The following PCSK5 variants were observed in gnomAD, a reference collection of about 807,000 sequenced individuals.
PCSK5 encodes the protein proprotein convertase subtilisin/kexin type 5.
PCSK5 carries 129 observed loss-of-function variants against 233.2 expected under a neutral mutation model. The observed-to-expected ratio is 0.55, with a 90% CI of 0.48 to 0.64. The LOEUF (loss-of-function observed/expected upper bound fraction) is 0.64. Ranked by LOEUF, PCSK5 falls within the 30% of genes least tolerant of loss-of-function variation. The pLI is 0.00. For missense variants in PCSK5, 2,076 were observed against 2,430.1 expected (o/e 0.85, Z 3.06); for synonymous variants, 825 against 879.2 (o/e 0.94, Z 1.09).
chr9:75,920,468 C>G (rs1823205436), intron 1 of PCSK5, among the ~76,000 whole-genome samples: 1 of 152,094 alleles, frequency 6.6e-6, no homozygotes, highest in Non-Finnish European at 1.5e-5. Context: ...CTTCTCTACT[C>G]CAAATATTCT....
intron 1 of PCSK5, among the ~76,000 whole-genome samples, chr9:75,921,047 A>AT (rs995671136): frequency 2.6e-5 from 4 of 152,078 alleles, no homozygotes; most frequent in Non-Finnish European, 5.9e-5. Context: ...GTTGTTAGAG[A>AT]TTTTTTTCAT....
chr9:76,217,819 GAAGGACGTTAGTAGGC>G (rs1825591044), intron 20 of PCSK5, among the ~76,000 whole-genome samples: 1 of 152,198 alleles, frequency 6.6e-6, no homozygotes. Flanking sequence ...AAACCACGGG[GAAGGACGTTAGTAGGC>G]AAGGAAACAC....
chr9:76,198,834 G>T (rs994780573), intron 20 of PCSK5, among the ~76,000 whole-genome samples: 6 of 152,154 alleles, frequency 3.9e-5, no homozygotes, highest in Non-Finnish European at 8.8e-5. Flanking sequence ...CCGTTTAAGT[G>T]CCTTTAAAGG....
intron 24 of PCSK5, among the ~76,000 whole-genome samples, chr9:76,250,757 A>C (rs1210316044): frequency 6.6e-6 from 1 of 152,342 alleles, no homozygotes; most frequent in South Asian, 2.1e-4. Context: ...CTAGGTAAAA[A>C]CTAAAGAAAG....
intron 5 of PCSK5, among the ~76,000 whole-genome samples, chr9:76,031,442 C>T (rs1406870803): frequency 1.3e-5 from 2 of 152,166 alleles, no homozygotes; most frequent in East Asian, 1.9e-4. Flanking sequence ...TATCCCAGTA[C>T]TTTGGGAGGC....
chr9:75,982,359 C>T (rs1212498504), intron 2 of PCSK5, among the ~76,000 whole-genome samples: 1 of 152,154 alleles, frequency 6.6e-6, no homozygotes, highest in African/African-American at 2.4e-5. Context: ...CTTCTTTCGT[C>T]CTTTTTAAAG....
At chr9:75,968,224 T>C (rs759210993) in intron 2 of PCSK5, among the ~76,000 whole-genome samples, 9 of 152,214 alleles carry the variant, frequency 5.9e-5, no homozygotes, top group Non-Finnish European at 1.3e-4. Context: ...CGAGTTGATT[T>C]GAAAGCTTAG....
intron 7 of PCSK5, among the ~76,000 whole-genome samples, chr9:76,083,339 G>T (rs554058175): frequency 6.6e-6 from 1 of 151,998 alleles, no homozygotes; most frequent in South Asian, 2.1e-4. Flanking sequence ...TAGGAGCATA[G>T]CTTATAGGGT....
chr9:76,062,886 TA>T (rs1830080221), intron 5 of PCSK5, among the ~76,000 whole-genome samples: 2 of 152,210 alleles, frequency 1.3e-5, no homozygotes, highest in Admixed American at 1.3e-4. Flanking sequence ...TATTGAACAC[TA>T]GACCTTATTC....
chr9:76,133,456 T>C (rs1822843335), intron 9 of PCSK5, among the ~76,000 whole-genome samples: 1 of 152,050 alleles, frequency 6.6e-6, no homozygotes, highest in Admixed American at 6.6e-5. Context: ...CTAGTAGCCA[T>C]AAGAACTAGG....
intron 2 of PCSK5, among the ~76,000 whole-genome samples, chr9:75,956,751 A>G (rs937473816): frequency 1.3e-5 from 2 of 151,404 alleles, no homozygotes; most frequent in Non-Finnish European, 2.9e-5. Flanking sequence ...TGCAAAATAG[A>G]TCCCTTATTT....
Position 76,158,993 on chromosome 9 carries a change from C to A in PCSK5, c.1441C>A (p.Pro481Thr). The change falls in exon 12 of 38, where the codon CCT becomes ACT. Residue 481 changes from proline to threonine, a missense_variant. Around this residue, in one of 6 missense-constraint regions of PCSK5, gnomAD observed 64 missense variants for 68.6 expected, o/e 0.93. Coordinates refer to ENST00000674117, the MANE Select transcript of PCSK5 (RefSeq NM_001372043.1). Reference sequence around the variant, plus strand: ...CTCTCTCTGTTACAGGACAATCCGCCCTAACAGTGCAGTGCGCTCCATCTA... The same window carrying A: ...CTCTCTCTGTTACAGGACAATCCGCACTAACAGTGCAGTGCGCTCCATCTA... ...STDRQIKTIR[P>T]NSAVRSIYKA... 4 of 1,613,824 alleles carry A rather than the reference C, an allele frequency of 2.5e-6. No homozygotes were observed. Among genetic ancestry groups the A allele is most frequent in the Non-Finnish European group, 3.4e-6 (4 of 1,179,794 alleles).
intron 15 of PCSK5, among the ~76,000 whole-genome samples, chr9:76,180,087 GTA>G (rs1554701013): frequency 0.039 from 5,162 of 132,522 alleles, 211 homozygotes; most frequent in African/African-American, 0.098. Context: ...GTGTGTGTGT[GTA>G]TATATATATA....
rs746839814 is a variant in PCSK5, at chr9:76,354,062, C to T, written c.5097C>T (p.His1699=). 206 of 1,609,680 alleles carry T rather than the reference C, an allele frequency of 1.3e-4. No individual in the cohort carries two copies. The highest frequency in any genetic ancestry group is 1.1e-4 in the African/African-American group (8 of 74,890). The part of the protein sequence containing the change: ...EGEKFNCEKC[H]ESCMECKGPG... The stretch of plus-strand genomic sequence containing the variant: ...AGAAGTTTAACTGTGAAAAATGCCA[C>T]GAGAGCTGCATGGAATGCAAGGGAC... The change falls in exon 37 of 38, where the codon CAC becomes CAT. Residue 1699 remains histidine, a synonymous_variant. Coordinates refer to ENST00000674117, the MANE Select transcript of PCSK5 (RefSeq NM_001372043.1).
At chr9:76,084,332 A>G (rs1335602026) in intron 7 of PCSK5, among the ~76,000 whole-genome samples, 1 of 152,230 alleles carries the variant, frequency 6.6e-6, no homozygotes, top group Non-Finnish European at 1.5e-5. Context: ...GGAGAGGAAC[A>G]CAAATCTATT....
Position 76,134,159 on chromosome 9 carries a change from G to T in PCSK5, c.1259G>T (p.Arg420Leu), listed in dbSNP as rs778416029. Residue 420 changes from arginine to leucine, a missense_variant, in exon 10 of 38, where the codon CGT becomes CTT. Physicochemically the swap from Arg to Leu is moderately radical, Grantham distance 102. Coordinates refer to ENST00000674117, the MANE Select transcript of PCSK5 (RefSeq NM_001372043.1). ...CAGCATGTTATTGTCAGGACTTCCC[G>T]TGCGGGACATTTGAACGCTAATGAC... ...DVQHVIVRTSRAGHLNANDWK... is the reference protein window; with the variant it reads ...DVQHVIVRTSLAGHLNANDWK... 1 of 1,609,908 alleles carries T rather than the reference G, an allele frequency of 6.2e-7. No individual in the cohort carries two copies.
intron 4 of PCSK5, among the ~76,000 whole-genome samples, chr9:76,024,693 T>G (rs745912394): frequency 2.3e-4 from 35 of 152,218 alleles, no homozygotes; most frequent in Non-Finnish European, 4.7e-4. Flanking sequence ...TCTTTTATGT[T>G]TGTCATTTTC....
rs1462803114 is a variant in PCSK5, at chr9:76,239,118, T to C, written c.3026T>C (p.Phe1009Ser). The C allele has an allele frequency of 6.2e-7, 1 of 1,601,486 alleles. No individual in the cohort carries two copies. The highest frequency in any genetic ancestry group is 1.1e-5 in the South Asian group (1 of 88,906). ...HVCTRCMKGY[F>S]IAPTNHTCQK... Reference sequence around the variant, plus strand: ...TGCACAAGATGCATGAAGGGCTACTTCATAGCGCCCACCAACCACACATGC... The same window carrying C: ...TGCACAAGATGCATGAAGGGCTACTCCATAGCGCCCACCAACCACACATGC... Residue 1009 changes from phenylalanine to serine, a missense_variant, in exon 23 of 38, where the codon TTC (phenylalanine) becomes TCC (serine). Physicochemically the swap from Phe to Ser is radical, Grantham distance 155 (BLOSUM62 -2). This residue lies in a region of PCSK5 where 1,510 missense variants were observed against 1,538.1 expected (regional missense o/e 0.98). Coordinates refer to ENST00000674117, the MANE Select transcript of PCSK5 (RefSeq NM_001372043.1).
chr9:75,955,316 T>A (rs1286841041), intron 2 of PCSK5, among the ~76,000 whole-genome samples: 1 of 152,170 alleles, frequency 6.6e-6, no homozygotes, highest in Non-Finnish European at 1.5e-5. Context: ...TGAAGAAAGA[T>A]GAGCATTATT....
Sources: gnomAD v4.1 joint callset for allele counts (sites outside exome capture counted in the v4.1 genomes callset) on GRCh38, gnomAD v4.1.1 for gene constraint, gnomAD v4.1.1 regional missense constraint, MANE v1.5 for transcripts, NCBI Gene and HGNC (gene_info 2026-07-23, HGNC 2026-07-21) for gene names.